Variants in DPF3 observed in about 807,000 individuals in gnomAD.
DPF3 encodes double PHD fingers 3.
DPF3 carries 18 observed loss-of-function variants against 56.8 expected under a neutral mutation model. That is an observed-to-expected ratio of 0.32 (90% CI 0.22 to 0.47). DPF3 has a LOEUF of 0.47. DPF3 is among the 20% of genes least tolerant of loss of function. The pLI, the probability that DPF3 is intolerant of heterozygous loss-of-function variation, is 1.00. For synonymous variants in DPF3, 188 were observed against 180.2 expected, an observed-to-expected ratio of 1.04 and a Z score of -0.35; for missense variants, 403 against 488.8, an observed-to-expected ratio of 0.82 and a Z score of 1.65.
intron 8 of DPF3, among the ~76,000 whole-genome samples, chr14:72,657,036 T>G (rs1886080446): frequency 6.6e-6 from 1 of 152,208 alleles, no homozygotes; most frequent in African/African-American, 2.4e-5. Context: ...ATCTTACTGG[T>G]TGTTTTGGGA....
In DPF3 at chr14:72,674,301, G is replaced by C; in HGVS notation, c.810C>G (p.Asn270Lys). 2 of 1,612,562 alleles carry C rather than the reference G, an allele frequency of 1.2e-6. No individual in the cohort carries two copies. Among genetic ancestry groups the C allele is most frequent in the Non-Finnish European group, 1.7e-6 (2 of 1,179,448 alleles). The change falls in exon 8 of 11, where the codon AAC becomes AAG. Residue 270 changes from asparagine (N) to lysine (K), a missense_variant. Coordinates refer to ENST00000556509, the MANE Select transcript of DPF3 (RefSeq NM_001280542.3). ...NYCDFCLGGS[N>K]MNKKSGRPEE... The stretch of plus-strand genomic sequence containing the variant: ...CAGGCCGCCCACTCTTCTTGTTCAT[G>C]TTGGAGCCCCCCAAGCAGAAGTCAC...
chr14:72,698,643 C>T (rs1888015933), intron 6 of DPF3, among the ~76,000 whole-genome samples: 1 of 152,160 alleles, frequency 6.6e-6, no homozygotes, highest in Non-Finnish European at 1.5e-5. Context: ...GCTGAGATCA[C>T]ACCACGGCAC....
chr14:72,846,492 C>T (rs574413125), intron 1 of DPF3, among the ~76,000 whole-genome samples: 4 of 152,120 alleles, frequency 2.6e-5, no homozygotes, highest in South Asian at 2.1e-4. Context: ...CCCGCCACCA[C>T]GCCCGGCTAA....
At chr14:72,710,912 A>G (rs1283865326) in intron 6 of DPF3, among the ~76,000 whole-genome samples, 1 of 152,232 alleles carries the variant, frequency 6.6e-6, no homozygotes, top group Non-Finnish European at 1.5e-5. Flanking sequence ...AACATAAATC[A>G]TGTTCAGGTG....
intron 1 of DPF3, among the ~76,000 whole-genome samples, chr14:72,849,766 C>T (rs1405809230): frequency 6.6e-6 from 1 of 152,150 alleles, no homozygotes; most frequent in Non-Finnish European, 1.5e-5. Flanking sequence ...GGCTGTGAGC[C>T]AAATACGGCC....
rs1306444303 is a variant in DPF3, at chr14:72,616,410, T to C, written c.*2887A>G. Among the ~76,000 whole-genome samples, 1 of 152,162 alleles carries C rather than the reference T, an allele frequency of 6.6e-6. No individual in the cohort carries two copies. Among genetic ancestry groups the C allele is most frequent in the Non-Finnish European group, 1.5e-5 (1 of 68,028 alleles). The stretch of plus-strand genomic sequence containing the variant: ...ACCTCCACCCCACAGCCCATGCAAG[T>C]CATGATTTCCTTGGTCGCAGCCCAG... On this transcript the variant is annotated 3_prime_UTR_variant, in exon 11 of 11. Transcript: ENST00000556509.
chr14:72,733,431 G>A (rs969103310), intron 3 of DPF3, among the ~76,000 whole-genome samples: 2 of 152,060 alleles, frequency 1.3e-5, no homozygotes, highest in East Asian at 3.9e-4. Flanking sequence ...GGTGGAGAGG[G>A]GCCATTACCG....
intron 7 of DPF3, among the ~76,000 whole-genome samples, chr14:72,682,785 C>T (rs1206925607): frequency 2.6e-5 from 4 of 152,144 alleles, no homozygotes; most frequent in African/African-American, 9.7e-5. Flanking sequence ...GGGGCGCACT[C>T]CAAAAGCAGG....
intron 8 of DPF3, chr14:72,662,948 AAAG>A (rs1308459803): frequency 2.7e-5 from 19 of 700,620 alleles, no homozygotes; most frequent in African/African-American, 3.9e-5. Context: ...TAAAAAAAAA[AAAG>A]AAGAAGAAAG....
intron 2 of DPF3, among the ~76,000 whole-genome samples, chr14:72,759,731 T>A (rs1890991500): frequency 6.6e-6 from 1 of 152,148 alleles, no homozygotes; most frequent in African/African-American, 2.4e-5. Flanking sequence ...GCAAAGTATG[T>A]CATAATCAAA....
intron 6 of DPF3, among the ~76,000 whole-genome samples, chr14:72,712,839 T>C (rs569931667): frequency 5.1e-4 from 78 of 152,360 alleles, no homozygotes; most frequent in Non-Finnish European, 7.2e-4. Context: ...TGCACCACTG[T>C]ACTCCAGCCT....
intron 1 of DPF3, among the ~76,000 whole-genome samples, chr14:72,822,771 G>A (rs1247730370): frequency 1.3e-5 from 2 of 152,114 alleles, no homozygotes; most frequent in East Asian, 3.8e-4. Flanking sequence ...GAAGGAAGGA[G>A]AGTATTATGA....
At chr14:72,708,109 G>A (rs997600521) in intron 6 of DPF3, among the ~76,000 whole-genome samples, 1 of 152,132 alleles carries the variant, frequency 6.6e-6, no homozygotes. Flanking sequence ...TAACTCCAGA[G>A]GGTGTGGGTC....
At chr14:72,726,100 A>G (rs1889397177) in intron 4 of DPF3, among the ~76,000 whole-genome samples, 1 of 152,204 alleles carries the variant, frequency 6.6e-6, no homozygotes, top group Non-Finnish European at 1.5e-5. Context: ...CACTAGCAAA[A>G]GCCGACTGAG....
intron 8 of DPF3, among the ~76,000 whole-genome samples, chr14:72,638,141 C>T (rs1343892362): frequency 6.6e-6 from 1 of 152,174 alleles, no homozygotes; most frequent in Non-Finnish European, 1.5e-5. Flanking sequence ...CAGGAAGTGA[C>T]TAAGAGAAGA....
intron 8 of DPF3, among the ~76,000 whole-genome samples, chr14:72,635,656 CT>C (rs1885364333): frequency 6.6e-6 from 1 of 152,230 alleles, no homozygotes; most frequent in Non-Finnish European, 1.5e-5. Flanking sequence ...ACCTAAGTCA[CT>C]TACTAGTCAA....
intron 8 of DPF3, among the ~76,000 whole-genome samples, chr14:72,637,588 C>T (rs1464068241): frequency 1.3e-5 from 2 of 152,224 alleles, no homozygotes; most frequent in Non-Finnish European, 2.9e-5. Context: ...AGATATATTA[C>T]AGCACCTGAG....
In DPF3 at chr14:72,774,763, G is replaced by C. The variant is rs900813421; in HGVS notation, c.33-2870C>G. On this transcript the variant is annotated intron_variant, in intron 1 of 10. Coordinates refer to ENST00000556509, the MANE Select transcript of DPF3 (RefSeq NM_001280542.3). ...ACCAAACTGTAATCAAATTGTAATA[G>C]TCACGCAGCTGGAAATGAATTGGGG... 5.3e-5 allele frequency among the ~76,000 whole-genome samples: 8 copies of C among 152,174 alleles called. No homozygotes were observed. In the South Asian group the frequency reaches 8.3e-4, roughly 16 times the overall value.
chr14:72,790,212 C>T (rs961454516), intron 1 of DPF3, among the ~76,000 whole-genome samples: 4 of 152,114 alleles, frequency 2.6e-5, no homozygotes, highest in Admixed American at 2.6e-4. Context: ...CAAAGCGAGA[C>T]CCCATCTCTT....
Sources: allele counts gnomAD v4.1 joint callset (sites outside exome capture counted in the v4.1 genomes callset), GRCh38; gene constraint gnomAD v4.1.1; transcripts MANE v1.5; gene names NCBI Gene and HGNC (gene_info 2026-07-23, HGNC 2026-07-21).